Variants in LUZP2 observed in about 807,000 individuals in gnomAD.
The protein encoded by LUZP2 is leucine zipper protein 2.
Under a neutral mutation model 51.6 loss-of-function variants are expected in LUZP2, and 52 were observed. The observed-to-expected ratio is 1.01, with a 90% CI of 0.81 to 1.27. The LOEUF is 1.27. LUZP2 is among the 50% of genes most tolerant of loss of function. The probability of loss-of-function intolerance (pLI) is 0.00; values close to 1 mark genes in which losing one functional copy is unlikely to be tolerated. For synonymous variants in LUZP2, 154 were observed against 137.3 expected, an observed-to-expected ratio of 1.12 and a Z score of -0.85; for missense variants, 436 against 395.4, an observed-to-expected ratio of 1.10 and a Z score of -0.87.
At chr11:24,915,975 GATTTT>G (rs1265817462) in intron 7 of LUZP2, among the ~76,000 whole-genome samples, 1 of 152,070 alleles carries the variant, frequency 6.6e-6, no homozygotes, top group Non-Finnish European at 1.5e-5. Context: ...ATTTTGAATA[GATTTT>G]ATTTTATTTT....
intron 1 of LUZP2, among the ~76,000 whole-genome samples, chr11:24,652,965 G>T (rs1162527201): frequency 6.6e-6 from 1 of 152,194 alleles, no homozygotes; most frequent in African/African-American, 2.4e-5. Context: ...AGAAATACAT[G>T]TTTAATGTGG....
chr11:24,705,189 T>G (rs1279466211), intron 1 of LUZP2, among the ~76,000 whole-genome samples: 1 of 152,176 alleles, frequency 6.6e-6, no homozygotes, highest in Non-Finnish European at 1.5e-5. Flanking sequence ...TTCCTACAAC[T>G]ACATTTGTTC....
At chr11:24,977,518 C>A (rs1855911898) in intron 8 of LUZP2, among the ~76,000 whole-genome samples, 1 of 151,616 alleles carries the variant, frequency 6.6e-6, no homozygotes, top group African/African-American at 2.4e-5. Context: ...AAGAGCACTT[C>A]TGCTGTACCA....
At chr11:24,795,666 T>A (rs1849526180) in intron 5 of LUZP2, among the ~76,000 whole-genome samples, 1 of 152,092 alleles carries the variant, frequency 6.6e-6, no homozygotes, top group South Asian at 2.1e-4. Context: ...TTTGTCAGCA[T>A]GTCAGTGTCC....
At position 24,785,764 on chromosome 11, in the gene LUZP2, G is replaced by C. The variant is rs1460261495; in HGVS notation, c.396+22456G>C. Reference sequence around the variant, plus strand: ...ATATGTGCTATTATATAAACTGTTAGAGACAGAAGAGATGTCAGACAGCAT... The same window carrying C: ...ATATGTGCTATTATATAAACTGTTACAGACAGAAGAGATGTCAGACAGCAT... On this transcript the variant is annotated intron_variant, in intron 5 of 11. Transcript: ENST00000336930. 3 of 539,442 alleles carry C rather than the reference G, an allele frequency of 5.6e-6. No individual in the cohort carries two copies. The African/African-American group carries it at 6.2e-5, about 11-fold the overall frequency. The allele number at this position is 539,442 out of a possible 1,614,324, so 33.4% of individuals were successfully genotyped here.
intron 1 of LUZP2, among the ~76,000 whole-genome samples, chr11:24,506,082 T>C (rs1328001708): frequency 6.6e-6 from 1 of 152,058 alleles, no homozygotes; most frequent in Non-Finnish European, 1.5e-5. Flanking sequence ...CCTGGACTTC[T>C]AAAATTAAGT....
chr11:24,702,273 T>G (rs997848614), intron 1 of LUZP2, among the ~76,000 whole-genome samples: 1 of 152,224 alleles, frequency 6.6e-6, no homozygotes, highest in African/African-American at 2.4e-5. Flanking sequence ...AATACATGGC[T>G]TTTTAGACTT....
At chr11:25,023,047 T>C (rs1857385366) in intron 9 of LUZP2, among the ~76,000 whole-genome samples, 1 of 152,162 alleles carries the variant, frequency 6.6e-6, no homozygotes, top group African/African-American at 2.4e-5. Context: ...TGGATTCGGT[T>C]TGCCAGCATT....
At chr11:24,920,955 G>T (rs1198487313) in intron 7 of LUZP2, among the ~76,000 whole-genome samples, 1 of 151,754 alleles carries the variant, frequency 6.6e-6, no homozygotes, top group Non-Finnish European at 1.5e-5. Context: ...AAATAAAAAA[G>T]AAAATATTTT....
chr11:24,708,319 T>C (rs2133924968), intron 1 of LUZP2, among the ~76,000 whole-genome samples: 1 of 152,338 alleles, frequency 6.6e-6, no homozygotes, highest in South Asian at 2.1e-4. Flanking sequence ...TTATCAGCTA[T>C]CTGGGCATCT....
intron 5 of LUZP2, among the ~76,000 whole-genome samples, chr11:24,823,124 A>G (rs1202393416): frequency 1.3e-5 from 2 of 152,206 alleles, no homozygotes; most frequent in African/African-American, 4.8e-5. Flanking sequence ...GATAAACACA[A>G]TGAAGCTAAT....
chr11:24,737,721 T>C (rs1395167476), intron 3 of LUZP2, among the ~76,000 whole-genome samples: 5 of 152,058 alleles, frequency 3.3e-5, no homozygotes, highest in Non-Finnish European at 7.4e-5. Flanking sequence ...TTAAAATAAG[T>C]TTCTTTTCCC....
intron 1 of LUZP2, among the ~76,000 whole-genome samples, chr11:24,636,647 C>T (rs929716010): frequency 2.0e-5 from 3 of 152,274 alleles, no homozygotes; most frequent in African/African-American, 4.8e-5. Context: ...GCACAACTAA[C>T]GTTGTCCACA....
At chr11:25,038,546 A>G (rs996252127) in intron 9 of LUZP2, among the ~76,000 whole-genome samples, 1 of 152,154 alleles carries the variant, frequency 6.6e-6, no homozygotes, top group African/African-American at 2.4e-5. Flanking sequence ...CTATTCTTAA[A>G]TCTTTGTACT....
intron 1 of LUZP2, among the ~76,000 whole-genome samples, chr11:24,532,059 G>T (rs1851019998): frequency 6.6e-6 from 1 of 150,760 alleles, no homozygotes; most frequent in South Asian, 2.1e-4. Context: ...GGGCAGGAAA[G>T]AAAATAATAA....
intron 1 of LUZP2, among the ~76,000 whole-genome samples, chr11:24,531,847 C>T (rs918299639): frequency 3.3e-5 from 5 of 150,794 alleles, no homozygotes; most frequent in Admixed American, 6.6e-5. Context: ...ACTTAGAAGT[C>T]GTCCTTGGTA....
chr11:24,827,527 A>G (rs1255214598), intron 5 of LUZP2, among the ~76,000 whole-genome samples: 4 of 152,166 alleles, frequency 2.6e-5, no homozygotes. Flanking sequence ...ATACCGTGCT[A>G]TTCTTAAGGA....
intron 10 of LUZP2, among the ~76,000 whole-genome samples, chr11:25,051,330 A>C (rs1213754175): frequency 6.6e-6 from 1 of 152,192 alleles, no homozygotes; most frequent in Non-Finnish European, 1.5e-5. Flanking sequence ...AAAAATAAAA[A>C]AGAAAAATGA....
At chr11:24,711,603 G>C (rs953077408) in intron 1 of LUZP2, among the ~76,000 whole-genome samples, 1 of 152,066 alleles carries the variant, frequency 6.6e-6, no homozygotes, top group East Asian at 1.9e-4. Context: ...CTTCTTGAGC[G>C]TGTTTACTTT....
Sources: allele counts gnomAD v4.1 joint callset (sites outside exome capture counted in the v4.1 genomes callset), GRCh38; gene constraint gnomAD v4.1.1; transcripts MANE v1.5; gene names NCBI Gene and HGNC (gene_info 2026-07-23, HGNC 2026-07-21).